The following MALRD1 variants were observed in gnomAD, a reference collection of about 807,000 sequenced individuals.
MALRD1 encodes MAM and LDL receptor class A domain containing 1, also known as MAM and LDL-receptor class A domain-containing protein 1.
A neutral mutation model predicts 242.1 loss-of-function variants in MALRD1; 247 were observed. That is an observed-to-expected ratio of 1.02 (90% confidence interval 0.92 to 1.13). MALRD1 has a LOEUF of 1.13. MALRD1 is among the 50% of genes most tolerant of loss of function. MALRD1 has a pLI of 0.00. For missense variants in MALRD1, 2,989 were observed against 2,533.1 expected (o/e 1.18, Z -3.86); for synonymous variants, 995 against 866.6 (o/e 1.15, Z -2.60).
intron 33 of MALRD1, among the ~76,000 whole-genome samples, chr10:19,577,602 A>G (rs1836891267): frequency 6.6e-6 from 1 of 152,168 alleles, no homozygotes; most frequent in South Asian, 2.1e-4. Flanking sequence ...ACTATATTCC[A>G]TTAGCTTGAA....
At chr10:19,676,594 A>T (rs1842148319) in intron 36 of MALRD1, among the ~76,000 whole-genome samples, 1 of 152,200 alleles carries the variant, frequency 6.6e-6, no homozygotes, top group Non-Finnish European at 1.5e-5. Context: ...GAATCAGGGA[A>T]AAGTATTGGA....
intron 5 of MALRD1, among the ~76,000 whole-genome samples, chr10:19,110,198 C>T (rs944544205): frequency 3.9e-5 from 6 of 152,098 alleles, no homozygotes; most frequent in Non-Finnish European, 8.8e-5. Flanking sequence ...TTAAGCGTCT[C>T]TAGTCAGTTG....
intron 2 of MALRD1, among the ~76,000 whole-genome samples, chr10:19,076,143 T>C (rs766625012): frequency 6.6e-6 from 1 of 151,946 alleles, no homozygotes; most frequent in Non-Finnish European, 1.5e-5. Flanking sequence ...CCGATTTTCA[T>C]TGCTTCCCTT....
chr10:19,321,111 GC>G (rs1842899289), intron 21 of MALRD1, among the ~76,000 whole-genome samples: 1 of 152,030 alleles, frequency 6.6e-6, no homozygotes, highest in Non-Finnish European at 1.5e-5. Context: ...AGTTGCAGTT[GC>G]TTTTGGTGTT....
intron 12 of MALRD1, among the ~76,000 whole-genome samples, chr10:19,159,423 G>A (rs1588629145): frequency 6.6e-6 from 1 of 152,088 alleles, no homozygotes; most frequent in African/African-American, 2.4e-5. Flanking sequence ...TGCAGCAAGT[G>A]TGGCAATAAG....
intron 4 of MALRD1, among the ~76,000 whole-genome samples, chr10:19,095,211 C>G (rs887921381): frequency 1.3e-5 from 2 of 152,088 alleles, no homozygotes; most frequent in Non-Finnish European, 2.9e-5. Flanking sequence ...GCTAAATGAA[C>G]AGGATATTCA....
At chr10:19,614,062 G>C (rs564844806) in intron 35 of MALRD1, among the ~76,000 whole-genome samples, 2 of 151,974 alleles carry the variant, frequency 1.3e-5, no homozygotes, top group East Asian at 3.9e-4. Context: ...AAGGACAGTA[G>C]GAGCAGGAAC....
chr10:19,218,393 ATCT>A (rs1480254672), intron 18 of MALRD1, among the ~76,000 whole-genome samples: 2 of 152,220 alleles, frequency 1.3e-5, no homozygotes, highest in East Asian at 1.9e-4. Flanking sequence ...TATTATTAAA[ATCT>A]TCTTTGAAAA....
chr10:19,657,474 G>A (rs771058374), intron 36 of MALRD1, among the ~76,000 whole-genome samples: 30 of 152,080 alleles, frequency 2.0e-4, no homozygotes, highest in Non-Finnish European at 3.7e-4. Flanking sequence ...AGTCAAGAAG[G>A]AGCCCTCCCT....
chr10:19,146,454 G>A (rs919535482), intron 11 of MALRD1, 110 bp downstream of exon 11: 1 of 980,906 alleles, frequency 1.0e-6, no homozygotes. Context: ...ATGGAACTCT[G>A]GTTTGTCTTG....
intron 2 of MALRD1, among the ~76,000 whole-genome samples, chr10:19,071,577 A>G (rs932474524): frequency 3.3e-5 from 5 of 151,804 alleles, no homozygotes; most frequent in African/African-American, 1.2e-4. Flanking sequence ...CAGCTTATAG[A>G]TTTTTCTTGT....
At chr10:19,357,684 C>G (rs902252016) in intron 26 of MALRD1, among the ~76,000 whole-genome samples, 12 of 152,050 alleles carry the variant, frequency 7.9e-5, no homozygotes, top group African/African-American at 2.9e-4. Context: ...TGCAAAAACA[C>G]TTAACTTGGA....
intron 21 of MALRD1, among the ~76,000 whole-genome samples, chr10:19,321,642 T>C (rs1842919191): frequency 6.6e-6 from 1 of 152,154 alleles, no homozygotes; most frequent in East Asian, 1.9e-4. Context: ...ATCTGAACTA[T>C]TCCCTTCTAG....
At chr10:19,724,952 T>A (rs943578417) in intron 38 of MALRD1, 3 of 152,060 alleles carry the variant, frequency 2.0e-5, no homozygotes, top group African/African-American at 7.2e-5. Context: ...AGAAAAGGAA[T>A]CTTGAAGGCA....
intron 32 of MALRD1, among the ~76,000 whole-genome samples, chr10:19,539,013 G>T (rs1269963269): frequency 6.6e-6 from 1 of 152,104 alleles, no homozygotes; most frequent in African/African-American, 2.4e-5. Context: ...AACCATTATT[G>T]TTATGAGCTG....
At chr10:19,562,211 C>T (rs1007336261) in intron 32 of MALRD1, among the ~76,000 whole-genome samples, 3 of 152,032 alleles carry the variant, frequency 2.0e-5, no homozygotes, top group African/African-American at 7.2e-5. Context: ...CAGAGAATTG[C>T]TTGAACCCAG....
intron 14 of MALRD1, among the ~76,000 whole-genome samples, chr10:19,193,682 GA>G (rs1375703132): frequency 1.3e-5 from 2 of 152,142 alleles, no homozygotes; most frequent in Non-Finnish European, 2.9e-5. Flanking sequence ...TTATATCCTG[GA>G]GAGCAGGTTA....
chr10:19,527,994 A>G (rs1429282435), intron 31 of MALRD1, among the ~76,000 whole-genome samples: 3 of 152,208 alleles, frequency 2.0e-5, no homozygotes, highest in African/African-American at 4.8e-5. Context: ...TAGGTTTGAC[A>G]GGTGCAGTCT....
chr10:19,490,145 AATTGTGTAC>A (rs1318152874), intron 29 of MALRD1, among the ~76,000 whole-genome samples: 12 of 152,148 alleles, frequency 7.9e-5, no homozygotes, highest in African/African-American at 2.2e-4. Flanking sequence ...ATGTCTTAGG[AATTGTGTAC>A]ATATTGAAAT....
Sources: allele counts gnomAD v4.1 joint callset (sites outside exome capture counted in the v4.1 genomes callset), GRCh38; gene constraint gnomAD v4.1.1; transcripts MANE v1.5; gene names NCBI Gene and HGNC (gene_info 2026-07-23, HGNC 2026-07-21).